FRMD6: variants seen among roughly 807,000 people sequenced by gnomAD.
The protein encoded by FRMD6 is FERM domain containing 6.
FRMD6 carries 37 observed loss-of-function variants against 73.2 expected under a neutral mutation model. The ratio of observed to expected loss-of-function variants is 0.51; its 90% CI spans 0.39 to 0.66. The LOEUF is 0.66. FRMD6 is among the 30% of genes least tolerant of loss of function. The pLI is 0.00. For synonymous variants in FRMD6, 273 were observed against 282.2 expected (o/e 0.97, Z 0.33); for missense variants, 714 against 780.5 (o/e 0.91, Z 1.02).
Position 51,702,601 on chromosome 14 carries a change from G to C in FRMD6, c.371+13G>C, listed in dbSNP as rs962807528. On this transcript the variant is annotated intron_variant, in intron 5 of 13. Coordinates refer to ENST00000344768, the MANE Select transcript of FRMD6 (RefSeq NM_001267046.2). ...GCAGATTGATCAGGTAAGAGGACAGGGGGTGATTCTAAACGCTTTTTTTTC... is the reference window on the plus strand; with the variant it reads ...GCAGATTGATCAGGTAAGAGGACAGCGGGTGATTCTAAACGCTTTTTTTTC... 2 of 1,603,200 alleles carry C rather than the reference G, an allele frequency of 1.2e-6. No individual in the cohort carries two copies. The highest frequency in any genetic ancestry group is 1.7e-6 in the Non-Finnish European group (2 of 1,173,616).
At chr14:51,413,923 T>G in the FRMD6 span, among the ~76,000 whole-genome samples, 1 of 152,350 alleles carries the variant, frequency 6.6e-6, no homozygotes, top group Non-Finnish European at 1.5e-5. Flanking sequence ...TGATGAGCAT[T>G]TTTTCATGTG....
At chr14:51,506,837 C>A (rs1479816372) in intron 1 of FRMD6, among the ~76,000 whole-genome samples, 2 of 151,964 alleles carry the variant, frequency 1.3e-5, no homozygotes, top group East Asian at 3.9e-4. Flanking sequence ...TATTAAACAG[C>A]CATTAAAAGT....
At position 51,585,960 on chromosome 14, in the gene FRMD6, T is replaced by TATATATATATATATATATATATAA. The variant is rs369811499; in HGVS notation, c.-147+15551_-147+15552insTATATATATATATATATATATAAA. ...GTGTGTATATATATATATATATATATAACATTTTCTTTATCAAACCTTTGT... is the reference window on the plus strand; with the variant it reads ...GTGTGTATATATATATATATATATATATATATATATATATATATATATAAAACATTTTCTTTATCAAACCTTTGT... On this transcript the variant is annotated intron_variant, in intron 2 of 14. Transcript: ENST00000356218. Among the ~76,000 whole-genome samples, 282 of 90,978 alleles carry TATATATATATATATATATATATAA rather than the reference T, an allele frequency of 3.1e-3. 9 individuals carry two copies. Among genetic ancestry groups the TATATATATATATATATATATATAA allele is most frequent in the Admixed American group, 4.0e-3 (31 of 7,848 alleles). The allele number at this position is 90,978 out of a possible 152,430, so 59.7% of individuals were successfully genotyped here. A position where few individuals can be genotyped will look rare whatever the true frequency, so the allele number is the denominator to read the frequency against.
intron 1 of FRMD6, among the ~76,000 whole-genome samples, chr14:51,675,465 A>G (rs1894317339): frequency 6.6e-6 from 1 of 152,136 alleles, no homozygotes; most frequent in East Asian, 1.9e-4. Flanking sequence ...GAAAATGACA[A>G]TGGTAAATAT....
chr14:51,590,345 T>C (rs563469536), intron 2 of FRMD6, among the ~76,000 whole-genome samples: 63 of 152,274 alleles, frequency 4.1e-4, no homozygotes, highest in African/African-American at 1.4e-3. Context: ...TTTGTTTTTG[T>C]TTTTAAACAC....
intron 2 of FRMD6, among the ~76,000 whole-genome samples, chr14:51,605,568 G>C (rs1890225127): frequency 6.6e-6 from 1 of 152,012 alleles, no homozygotes; most frequent in African/African-American, 2.4e-5. Flanking sequence ...TGCTCTACTT[G>C]AATGTCCCTC....
At chr14:51,585,274 A>G (rs1038495034) in intron 2 of FRMD6, among the ~76,000 whole-genome samples, 2 of 152,150 alleles carry the variant, frequency 1.3e-5, no homozygotes, top group African/African-American at 4.8e-5. Flanking sequence ...GTCTCTCCCC[A>G]GTAAACCATC....
At chr14:51,608,929 T>C (rs1890376792) in intron 2 of FRMD6, among the ~76,000 whole-genome samples, 1 of 152,184 alleles carries the variant, frequency 6.6e-6, no homozygotes, top group Non-Finnish European at 1.5e-5. Flanking sequence ...AGAAGGAATG[T>C]CCTACATGCT....
the FRMD6 span, among the ~76,000 whole-genome samples, chr14:51,450,065 G>A: frequency 6.6e-6 from 1 of 152,116 alleles, no homozygotes; most frequent in Non-Finnish European, 1.5e-5. Context: ...ATTGTTGTCT[G>A]TTTACTGTGA....
chr14:51,556,653 C>A (rs751796307), intron 1 of FRMD6, among the ~76,000 whole-genome samples: 1 of 152,068 alleles, frequency 6.6e-6, no homozygotes, highest in African/African-American at 2.4e-5. Flanking sequence ...AGATTTAGTC[C>A]GTTATTATGT....
chr14:51,506,121 C>A (rs575461132), intron 1 of FRMD6, among the ~76,000 whole-genome samples: 1 of 152,212 alleles, frequency 6.6e-6, no homozygotes, highest in African/African-American at 2.4e-5. Context: ...GCTTTGGTGA[C>A]ACTGCTTATG....
Position 51,497,434 on chromosome 14 carries a change from A to G in FRMD6, c.-210+8014A>G, listed in dbSNP as rs17124015. Among the ~76,000 whole-genome samples, 294 of 152,184 alleles carry G rather than the reference A, an allele frequency of 1.9e-3. 5 individuals are homozygous for G. The East Asian group carries it at 0.045, about 23-fold the overall frequency. On this transcript the variant is annotated intron_variant, in intron 1 of 14. Coordinates refer to the FRMD6 transcript ENST00000356218. ...CATGTATCATATTATTATTCCCTCTATTAGACAAAATCTATACCCATAATT... is the reference window on the plus strand; with the variant it reads ...CATGTATCATATTATTATTCCCTCTGTTAGACAAAATCTATACCCATAATT...
At chr14:51,691,118 A>G (rs569386011) in intron 2 of FRMD6, among the ~76,000 whole-genome samples, 19 of 152,296 alleles carry the variant, frequency 1.2e-4, no homozygotes, top group African/African-American at 4.6e-4. Flanking sequence ...GTTATGTGAT[A>G]TATTCTCTTC....
intron 2 of FRMD6, among the ~76,000 whole-genome samples, chr14:51,691,761 A>G (rs924646086): frequency 1.7e-4 from 25 of 151,214 alleles, no homozygotes; most frequent in African/African-American, 6.1e-4. Flanking sequence ...CACCTGGCTA[A>G]TTTTTGTAAT....
At chr14:51,546,108 A>G (rs1886450882) in intron 1 of FRMD6, among the ~76,000 whole-genome samples, 3 of 152,196 alleles carry the variant, frequency 2.0e-5, no homozygotes, top group East Asian at 1.9e-4. Flanking sequence ...GAAAAATATG[A>G]CAAGTCTGTA....
intron 1 of FRMD6, among the ~76,000 whole-genome samples, chr14:51,532,277 G>A (rs1442168064): frequency 3.3e-5 from 5 of 150,656 alleles, no homozygotes; most frequent in African/African-American, 1.2e-4. Flanking sequence ...GATGAGCCAG[G>A]AGAATGGCGT....
At chr14:51,486,935 C>G (rs904592349), upstream of FRMD6, among the ~76,000 whole-genome samples, 1 of 84,494 alleles carries the variant, frequency 1.2e-5, no homozygotes, top group African/African-American at 4.0e-5. Context: ...GGTATAAAAC[C>G]GTTTTTTTTT....
Position 51,500,000 on chromosome 14 carries a change from G to A in FRMD6, c.-210+10580G>A, listed in dbSNP as rs192972601. Among the ~76,000 whole-genome samples, 266 of 152,286 alleles carry A rather than the reference G, an allele frequency of 1.7e-3. 4 individuals are homozygous for A. Among genetic ancestry groups the A allele is most frequent in the African/African-American group, 5.8e-3 (242 of 41,562 alleles). On this transcript the variant is annotated intron_variant, in intron 1 of 14. Transcript: ENST00000356218. ...AGACCTCAGCAGGGCTCCTGCTAAC[G>A]TGGTGGAGAACACATAGTTTAGCTC...
chr14:51,688,457 T>C (rs758352559), intron 1 of FRMD6, among the ~76,000 whole-genome samples: 1 of 152,188 alleles, frequency 6.6e-6, no homozygotes, highest in Non-Finnish European at 1.5e-5. Flanking sequence ...AATATATTCT[T>C]TCCCCTCCTG....
Sources: gnomAD v4.1 joint callset for allele counts (sites outside exome capture counted in the v4.1 genomes callset) on GRCh38, gnomAD v4.1.1 for gene constraint, MANE v1.5 for transcripts, NCBI Gene and HGNC (gene_info 2026-07-23, HGNC 2026-07-21) for gene names.